Variants in ANK2 observed in about 807,000 individuals in gnomAD.
ANK2 encodes ankyrin-2.
ANK2 carries 83 observed loss-of-function variants against 360.5 expected under a neutral mutation model. The ratio of observed to expected loss-of-function variants is 0.23; its 90% CI spans 0.19 to 0.28. The LOEUF is 0.28. ANK2 is among the 10% of genes least tolerant of loss of function. The pLI, the probability that ANK2 is intolerant of heterozygous loss-of-function variation, is 1.00. For missense variants in ANK2, 4,201 were observed against 4,795.7 expected, an observed-to-expected ratio of 0.88 and a Z score of 3.66; for synonymous variants, 1,740 against 1,759.5, an observed-to-expected ratio of 0.99 and a Z score of 0.28.
In ANK2 at chr4:113,052,108, C is replaced by A. The variant is rs199497839; in HGVS notation, c.84+2296C>A. Among the ~76,000 whole-genome samples, 13 of 152,160 alleles carry A rather than the reference C, an allele frequency of 8.5e-5. No individual in the cohort carries two copies. In the East Asian group the frequency reaches 2.1e-3, roughly 25 times the overall value. Reference sequence around the variant, plus strand: ...AATCATTGAGATTTACATAAATGTACCTTAGGTCTTTATATTATTGTTTCA... The same window carrying A: ...AATCATTGAGATTTACATAAATGTAACTTAGGTCTTTATATTATTGTTTCA... On this transcript the variant is annotated intron_variant, in intron 1 of 45. Transcript: ENST00000357077.
chr4:112,889,233 C>CAAAA (rs34818154), intron 1 of ANK2, among the ~76,000 whole-genome samples: 1 of 129,984 alleles, frequency 7.7e-6, no homozygotes, highest in African/African-American at 2.8e-5. Flanking sequence ...GTCACTCATT[C>CAAAA]AAAAAAAAAA....
intron 2 of ANK2, among the ~76,000 whole-genome samples, chr4:112,941,652 T>G (rs1561202576): frequency 6.9e-6 from 1 of 144,800 alleles, no homozygotes; most frequent in Non-Finnish European, 1.5e-5. Context: ...TATAAATATA[T>G]AGATATATAT....
the ANK2 span, among the ~76,000 whole-genome samples, chr4:112,728,292 CAAAAAAAAAAAAAAAAAAA>C: frequency 2.5e-5 from 1 of 40,126 alleles, no homozygotes; most frequent in African/African-American, 1.2e-4. Flanking sequence ...GACTCTGTCT[CAAAAAAAAAAAAAAAAAAA>C]AAAAAAAAAG....
At chr4:112,940,123 C>T (rs1169174020) in intron 2 of ANK2, among the ~76,000 whole-genome samples, 1 of 152,152 alleles carries the variant, frequency 6.6e-6, no homozygotes, top group East Asian at 1.9e-4. Context: ...AAACTTCCAC[C>T]ATGTCATCTC....
the ANK2 span, among the ~76,000 whole-genome samples, chr4:112,719,404 A>T: frequency 1.3e-5 from 2 of 152,126 alleles, no homozygotes; most frequent in Non-Finnish European, 2.9e-5. Flanking sequence ...AAAACCAACT[A>T]AGCAGATAGA....
At chr4:112,766,767 G>A in the ANK2 span, among the ~76,000 whole-genome samples, 1 of 152,154 alleles carries the variant, frequency 6.6e-6, no homozygotes, top group Non-Finnish European at 1.5e-5. Flanking sequence ...CAATCATTGT[G>A]CCCTGATGAG....
chr4:113,091,171 A>T (rs1005635283), intron 1 of ANK2, among the ~76,000 whole-genome samples: 9 of 152,208 alleles, frequency 5.9e-5, no homozygotes, highest in Admixed American at 4.6e-4. Context: ...TTCAGCACAG[A>T]TTGTACCTGC....
Position 112,872,395 on chromosome 4 carries a change from T to TG in ANK2, c.-39-32058dup, listed in dbSNP as rs2073454893. Among the ~76,000 whole-genome samples, 3 of 151,914 alleles carry TG rather than the reference T, an allele frequency of 2.0e-5. No individual in the cohort carries two copies. The South Asian group carries it at 6.3e-4, about 32-fold the overall frequency. On this transcript the variant is annotated intron_variant, in intron 1 of 30. Transcript: ENST00000503271. ...TCTTGTTGCCCAGGCTGGAGTGCAA[T>TG]GGCATGATCTCGGCTCACCACAGCC... is the stretch of plus-strand genomic sequence containing the variant.
At chr4:112,818,329 A>T (rs2055908278) in intron 1 of ANK2, 1 of 152,234 alleles carries the variant, frequency 6.6e-6, no homozygotes. Flanking sequence ...GTTTGTGTTG[A>T]TAGGGGGTGC....
intron 2 of ANK2, among the ~76,000 whole-genome samples, chr4:112,935,850 A>T (rs1190553746): frequency 6.6e-6 from 1 of 150,596 alleles, no homozygotes; most frequent in African/African-American, 2.4e-5. Flanking sequence ...CTCAAAACAA[A>T]CAAACAAACA....
At chr4:112,791,485 T>C in the ANK2 span, among the ~76,000 whole-genome samples, 3,382 of 128,470 alleles carry the variant, frequency 0.026, 98 homozygotes, top group African/African-American at 0.084. Flanking sequence ...TCTTCTTTTT[T>C]TTTTTTTTTT....
At chr4:113,297,351 G>GT (rs539194752) in intron 22 of ANK2, among the ~76,000 whole-genome samples, 2 of 152,190 alleles carry the variant, frequency 1.3e-5, no homozygotes, top group South Asian at 2.1e-4. Context: ...CTTTTGACAT[G>GT]TTTTTTCAAC....
chr4:113,166,119 G>C (rs967502631), intron 1 of ANK2, among the ~76,000 whole-genome samples: 1 of 151,978 alleles, frequency 6.6e-6, no homozygotes, highest in African/African-American at 2.4e-5. Flanking sequence ...TGTTCCTTAC[G>C]AGAACTTTAA....
At chr4:112,901,301 T>G (rs2083277940) in intron 1 of ANK2, among the ~76,000 whole-genome samples, 1 of 152,186 alleles carries the variant, frequency 6.6e-6, no homozygotes, top group South Asian at 2.1e-4. Context: ...AAGGTATAAA[T>G]GCAAGCATAC....
Position 113,373,463 on chromosome 4 carries a change from A to T in ANK2, c.11859+14A>T, listed in dbSNP as rs2154075351. On this transcript the variant is annotated intron_variant, in intron 45 of 45. Coordinates refer to ENST00000357077, the MANE Select transcript of ANK2 (RefSeq NM_001148.6). The stretch of plus-strand genomic sequence containing the variant: ...GAGCAGTCAGAGGTGAGACAACCTG[A>T]TTCTCTAAAACCCATTTGATGGAGA... 6.2e-7 allele frequency: 1 copy of T among 1,613,906 alleles called. No homozygotes were observed. The highest frequency in any genetic ancestry group is 1.3e-5 in the African/African-American group (1 of 75,050).
chr4:113,334,084 G>C (rs2093061048), intron 29 of ANK2, among the ~76,000 whole-genome samples: 1 of 152,184 alleles, frequency 6.6e-6, no homozygotes, highest in Admixed American at 6.5e-5. Context: ...AAGTATAGCT[G>C]TTTATCAAGT....
chr4:112,915,894 T>C (rs986734692), intron 2 of ANK2, among the ~76,000 whole-genome samples: 1 of 152,114 alleles, frequency 6.6e-6, no homozygotes, highest in African/African-American at 2.4e-5. Flanking sequence ...ATAATTATTA[T>C]ATAAGTATAT....
intron 38 of ANK2, among the ~76,000 whole-genome samples, chr4:113,360,154 A>G (rs951327317): frequency 1.9e-4 from 29 of 152,206 alleles, no homozygotes; most frequent in African/African-American, 5.8e-4. Context: ...TTAAACATGA[A>G]TGGGAAAATT....
chr4:113,300,532 A>G (rs1201313189), intron 22 of ANK2, among the ~76,000 whole-genome samples: 4 of 152,232 alleles, frequency 2.6e-5, no homozygotes, highest in African/African-American at 9.6e-5. Context: ...GAGAGGGCAC[A>G]CACAGTGCGT....
Sources: allele counts gnomAD v4.1 joint callset (sites outside exome capture counted in the v4.1 genomes callset), GRCh38; gene constraint gnomAD v4.1.1; transcripts MANE v1.5; gene names NCBI Gene and HGNC (gene_info 2026-07-23, HGNC 2026-07-21).